Variants in RAB11FIP3 observed in about 807,000 individuals in gnomAD.
The protein encoded by RAB11FIP3 is rab11 family-interacting protein 3.
A neutral mutation model predicts 77.8 loss-of-function variants in RAB11FIP3; 17 were observed. The ratio of observed to expected loss-of-function variants is 0.22; its 90% CI spans 0.15 to 0.33. RAB11FIP3 has a LOEUF of 0.33. Ranked by LOEUF, RAB11FIP3 falls within the 10% of genes least tolerant of loss-of-function variation. RAB11FIP3 has a pLI of 1.00. For synonymous variants in RAB11FIP3, 437 were observed against 448.2 expected, an observed-to-expected ratio of 0.98 and a Z score of 0.31; for missense variants, 1,005 against 1,011.2, an observed-to-expected ratio of 0.99 and a Z score of 0.08.
intron 1 of RAB11FIP3, among the ~76,000 whole-genome samples, chr16:432,765 C>T (rs574469788): frequency 2.6e-4 from 39 of 151,248 alleles, no homozygotes; most frequent in African/African-American, 8.0e-4. Flanking sequence ...GCCACCACTC[C>T]GGCTAAATTT....
intron 2 of RAB11FIP3, among the ~76,000 whole-genome samples, chr16:469,989 C>T (rs7193082): frequency 0.072 from 10,951 of 151,932 alleles, 709 homozygotes; most frequent in East Asian, 0.18. Context: ...TTTTTCTTTT[C>T]TTTTCTTTCT....
At position 503,026 on chromosome 16, in the gene RAB11FIP3, C is replaced by T. The variant is rs763119278; in HGVS notation, c.1324C>T (p.Leu442=). The change falls in exon 7 of 14, where the codon CTG becomes TTG. Residue 442 remains leucine, a synonymous_variant. Transcript: ENST00000262305. Reference sequence around the variant, plus strand: ...TAGGTACCTGCACCAGTCAGGGGCCCTGACCATGGAGGCCCTGGAGGACCC... The same window carrying T: ...TAGGTACCTGCACCAGTCAGGGGCCTTGACCATGGAGGCCCTGGAGGACCC... ...VARYLHQSGA[L]TMEALEDPSP... The T allele has an allele frequency of 1.9e-6, 3 of 1,613,040 alleles. No homozygotes were observed. Among genetic ancestry groups the T allele is most frequent in the African/African-American group, 2.7e-5 (2 of 75,062 alleles).
At chr16:438,690 A>ATTT (rs34701607) in intron 1 of RAB11FIP3, among the ~76,000 whole-genome samples, 2 of 140,262 alleles carry the variant, frequency 1.4e-5, no homozygotes, top group Non-Finnish European at 1.5e-5. Flanking sequence ...GGCCTTTTAA[A>ATTT]TTTTTTTTTT....
chr16:496,728 G>T, intron 5 of RAB11FIP3, 96 bp from the exon 6 acceptor site: 1 of 1,279,822 alleles, frequency 7.8e-7, no homozygotes, highest in East Asian at 2.4e-5. Flanking sequence ...CTGAAAGGCC[G>T]CCCACCTCGT....
In RAB11FIP3 at chr16:507,768, G is replaced by A. The variant is rs576149048; in HGVS notation, c.1499+2141G>A. Among the ~76,000 whole-genome samples the A allele has an allele frequency of 2.6e-5, 4 of 152,094 alleles. No homozygotes were observed. The highest frequency in any genetic ancestry group is 6.5e-5 in the Admixed American group (1 of 15,272). ...TTCCCGTTTTCAGTATCATCTGCCCGTTCTGAGCCATTTGCTCTCTAGCCC... is the reference window on the plus strand; with the variant it reads ...TTCCCGTTTTCAGTATCATCTGCCCATTCTGAGCCATTTGCTCTCTAGCCC... On this transcript the variant is annotated intron_variant, in intron 8 of 13. Transcript: ENST00000262305. The surrounding 1 kb of genome is among the most constrained non-coding windows in gnomAD (Gnocchi z 4.6).
chr16:492,464 AGACCCGAGGCCGCCCAGGGCCCTCCCGGG>A (rs2030581524), intron 5 of RAB11FIP3, among the ~76,000 whole-genome samples: 1 of 76,696 alleles, frequency 1.3e-5, no homozygotes, highest in African/African-American at 5.7e-5. Flanking sequence ...CTTCCCGGGG[AGACCCGAGGCCGCCCAGGGCCCTCCCGGG>A]AGACCCGAGG....
At chr16:492,510 A>AG (rs1434272061) in intron 5 of RAB11FIP3, among the ~76,000 whole-genome samples, 1 of 114,856 alleles carries the variant, frequency 8.7e-6, no homozygotes, top group African/African-American at 3.0e-5. Context: ...GAGGCCGCCC[A>AG]GGGCCCTCCC....
rs1453451565 is a variant in RAB11FIP3, at chr16:491,100, A to G, written c.1265+2100A>G. ...GTCACAGATGACCACACGGGTCCTCATCCTCTCCTGAACGGATGCTTCTGT... is the reference window on the plus strand; with the variant it reads ...GTCACAGATGACCACACGGGTCCTCGTCCTCTCCTGAACGGATGCTTCTGT... On this transcript the variant is annotated intron_variant, in intron 5 of 13. Transcript: ENST00000262305. 7 of 1,279,886 alleles carry G rather than the reference A, an allele frequency of 5.5e-6. No individual in the cohort carries two copies. The African/African-American group carries it at 6.1e-5, about 11-fold the overall frequency. The allele number at this position is 1,279,886 out of a possible 1,614,324, so 79.3% of individuals were successfully genotyped here.
At chr16:510,179 T>G (rs13338090) in intron 8 of RAB11FIP3, among the ~76,000 whole-genome samples, 79 of 121,308 alleles carry the variant, frequency 6.5e-4, no homozygotes, top group Middle Eastern at 4.1e-3. Flanking sequence ...CCGTCCCGAG[T>G]CCCCGTGCCT....
Position 522,827 on chromosome 16 carries a change from G to A in RAB11FIP3, c.*1988G>A, listed in dbSNP as rs2032754807. ...ACGCCTCTGGGGACGTACGTCCCAT[G>A]TCGGGAGAGCCGTCAAAACGTCCCC... On this transcript the variant is annotated 3_prime_UTR_variant, in exon 14 of 14. Transcript: ENST00000262305. The A allele has an allele frequency of 6.6e-6, 1 of 152,366 alleles. No homozygotes were observed. 9.4% of individuals were successfully genotyped at this position (152,366 alleles called of 1,614,324 possible).
intron 5 of RAB11FIP3, 92 bp downstream of exon 5, chr16:489,092 A>C (rs898762202): frequency 7.0e-7 from 1 of 1,419,940 alleles, no homozygotes; most frequent in Admixed American, 2.5e-5. Flanking sequence ...CATTGGTGAG[A>C]GAACTTGCTT....
intron 3 of RAB11FIP3, among the ~76,000 whole-genome samples, chr16:478,795 G>A (rs779243150): frequency 1.1e-4 from 16 of 151,424 alleles, no homozygotes; most frequent in East Asian, 4.0e-4. Context: ...GCAAAACCTC[G>A]TCTCTACAAA....
chr16:496,518 A>G (rs141925507), intron 5 of RAB11FIP3, among the ~76,000 whole-genome samples: 2 of 152,338 alleles, frequency 1.3e-5, no homozygotes, highest in Non-Finnish European at 2.9e-5. Context: ...GCATTGGGAC[A>G]GTGCAGCCAG....
chr16:489,922 T>C (rs2030023856), intron 5 of RAB11FIP3, among the ~76,000 whole-genome samples: 1 of 152,194 alleles, frequency 6.6e-6, no homozygotes, highest in African/African-American at 2.4e-5. Context: ...CTGGGAGAGC[T>C]GTGCATGAGT....
intron 4 of RAB11FIP3, 138 bp from the exon 5 acceptor site, chr16:488,711 CTT>C (rs3079539): frequency 4.0e-3 from 2,322 of 575,488 alleles, no homozygotes; most frequent in South Asian, 0.012. Flanking sequence ...ATCCAGCCCA[CTT>C]TTTTTTTTTT....
chr16:445,562 A>G (rs1212385924), intron 1 of RAB11FIP3, among the ~76,000 whole-genome samples: 2 of 152,188 alleles, frequency 1.3e-5, no homozygotes, highest in Admixed American at 6.5e-5. Flanking sequence ...CCCCTTGCCC[A>G]CCCAAGGGAG....
intron 3 of RAB11FIP3, among the ~76,000 whole-genome samples, chr16:478,508 C>T (rs867879488): frequency 1.1e-4 from 17 of 152,090 alleles, no homozygotes; most frequent in African/African-American, 3.4e-4. Context: ...CTGCTTCTTA[C>T]GATACTAGAA....
rs1206103403 is a variant in RAB11FIP3 at position 458,514 on chromosome 16, G to A, written c.715-2890G>A. 4.3e-4 allele frequency among the ~76,000 whole-genome samples: 60 copies of A among 138,820 alleles called. 1 individual carries two copies. The East Asian group carries it at 0.014, about 31-fold the overall frequency. The allele number at this position is 138,820 out of a possible 152,430, so 91.1% of individuals were successfully genotyped here. On this transcript the variant is annotated intron_variant, in intron 1 of 13. Coordinates refer to ENST00000262305, the MANE Select transcript of RAB11FIP3 (RefSeq NM_014700.4). ...GTTCACCGATGCCCACAGGGCCTGG[G>A]GGGCCTTCCTCGGGTTCACCGATGC...
intron 1 of RAB11FIP3, among the ~76,000 whole-genome samples, chr16:428,883 C>G (rs1287298287): frequency 6.6e-6 from 1 of 152,142 alleles, no homozygotes; most frequent in Non-Finnish European, 1.5e-5. Context: ...CAAAATTCTT[C>G]ACTCTGAATT....
Sources: allele counts gnomAD v4.1 joint callset (sites outside exome capture counted in the v4.1 genomes callset), GRCh38; gene constraint gnomAD v4.1.1; non-coding constraint Gnocchi (gnomAD v3.1); transcripts MANE v1.5; gene names NCBI Gene and HGNC (gene_info 2026-07-23, HGNC 2026-07-21).